Variants in GALNT13 observed in about 807,000 individuals in gnomAD.
GALNT13 encodes the protein polypeptide N-acetylgalactosaminyltransferase 13, also known as UDP-GalNAc:polypeptide N-acetylgalactosaminyltransferase 13.
GALNT13 carries 28 observed loss-of-function variants against 64.2 expected under a neutral mutation model. The observed-to-expected ratio is 0.44, with a 90% confidence interval of 0.32 to 0.60. The LOEUF (loss-of-function observed/expected upper bound fraction) is 0.60, where lower values mean the gene tolerates loss of function less well. GALNT13 is among the 20% of genes least tolerant of loss of function. The pLI is 0.05. For missense variants in GALNT13, 577 were observed against 669.8 expected (o/e 0.86, Z 1.53); for synonymous variants, 214 against 224.6 (o/e 0.95, Z 0.42).
At chr2:154,061,040 C>CT (rs138909247) in intron 3 of GALNT13, among the ~76,000 whole-genome samples, 2 of 151,232 alleles carry the variant, frequency 1.3e-5, no homozygotes, top group Admixed American at 1.3e-4. Context: ...GTCTTCTTAG[C>CT]TTATATATAT....
At chr2:153,670,467 G>T in the GALNT13 span, among the ~76,000 whole-genome samples, 101,052 of 152,038 alleles carry the variant, frequency 0.66, 34,747 homozygotes, top group Non-Finnish European at 0.75. Flanking sequence ...GCCTGTCTGT[G>T]AGAAGGAAAA....
At chr2:154,456,148 GTTT>G (rs5835521), downstream of GALNT13, among the ~76,000 whole-genome samples, 95 of 145,184 alleles carry the variant, frequency 6.5e-4, no homozygotes, top group African/African-American at 1.2e-3. Flanking sequence ...GTCTTTTTTT[GTTT>G]TTTTTTTTTT....
chr2:153,742,595 C>A, the GALNT13 span, among the ~76,000 whole-genome samples: 1 of 152,128 alleles, frequency 6.6e-6, no homozygotes, highest in East Asian at 1.9e-4. Flanking sequence ...TCCCCTTTTT[C>A]AGTTCCCCAG....
the GALNT13 span, among the ~76,000 whole-genome samples, chr2:153,863,123 T>C: frequency 2.0e-5 from 3 of 152,168 alleles, no homozygotes; most frequent in South Asian, 6.2e-4. Flanking sequence ...CTGTTAAAAT[T>C]GAATAATGTA....
the GALNT13 span, among the ~76,000 whole-genome samples, chr2:153,346,031 G>T: frequency 2.8e-3 from 429 of 152,140 alleles, 1 homozygote; most frequent in Non-Finnish European, 4.4e-3. Context: ...CTGGAGTGCA[G>T]TGGCGCGATC....
At chr2:153,780,359 A>C in the GALNT13 span, among the ~76,000 whole-genome samples, 635 of 151,772 alleles carry the variant, frequency 4.2e-3, 10 homozygotes, top group African/African-American at 0.015. Flanking sequence ...AAGTCCTTTA[A>C]ACTAGCAAAG....
chr2:154,083,618 G>A (rs1701389129), intron 3 of GALNT13, among the ~76,000 whole-genome samples: 1 of 151,796 alleles, frequency 6.6e-6, no homozygotes, highest in African/African-American at 2.4e-5. Flanking sequence ...TCCTTGAAGA[G>A]GTCCTTCACA....
chr2:153,178,732 CTTTTTT>C, the GALNT13 span, among the ~76,000 whole-genome samples: 4 of 98,414 alleles, frequency 4.1e-5, no homozygotes, highest in Non-Finnish European at 7.9e-5. Flanking sequence ...TTCTCTTCTT[CTTTTTT>C]TTTTTTTTTT....
In GALNT13 at chr2:154,162,688, T is replaced by C. The variant is rs544762472; in HGVS notation, c.311+22183T>C. Among the ~76,000 whole-genome samples the C allele has an allele frequency of 6.6e-5, 10 of 152,318 alleles. No homozygotes were observed. The East Asian group carries it at 1.9e-3, about 29-fold the overall frequency. On this transcript the variant is annotated intron_variant, in intron 4 of 12. Coordinates refer to ENST00000392825, the MANE Select transcript of GALNT13 (RefSeq NM_052917.4). The stretch of plus-strand genomic sequence containing the variant: ...AACAGTGTTAGATAAAGAGACAGAG[T>C]TAAATACTGTAAGATTTTTATTCTC...
At chr2:153,293,372 G>T in the GALNT13 span, among the ~76,000 whole-genome samples, 2 of 152,086 alleles carry the variant, frequency 1.3e-5, no homozygotes, top group Admixed American at 6.6e-5. Flanking sequence ...AATCAGAGAA[G>T]ATATGAAGAT....
At chr2:153,210,494 A>T in the GALNT13 span, among the ~76,000 whole-genome samples, 84 of 152,302 alleles carry the variant, frequency 5.5e-4, no homozygotes, top group African/African-American at 2.0e-3. Context: ...TATTCTTAGG[A>T]TAAACACTAG....
At chr2:154,310,033 C>A (rs998090159) in intron 9 of GALNT13, among the ~76,000 whole-genome samples, 7 of 152,128 alleles carry the variant, frequency 4.6e-5, no homozygotes. Flanking sequence ...TTAACATGCT[C>A]CCTTTTACCT....
chr2:153,939,723 T>A (rs1337258787), intron 2 of GALNT13, among the ~76,000 whole-genome samples: 1 of 152,198 alleles, frequency 6.6e-6, no homozygotes, highest in African/African-American at 2.4e-5. Context: ...ATGTTTCTGA[T>A]GATAACAATA....
chr2:153,072,912 T>C, the GALNT13 span, among the ~76,000 whole-genome samples: 11 of 152,228 alleles, frequency 7.2e-5, no homozygotes, highest in South Asian at 2.1e-4. Flanking sequence ...CTATCTTCTA[T>C]TGAGCATCGT....
chr2:153,215,417 C>T, the GALNT13 span, among the ~76,000 whole-genome samples: 1 of 152,074 alleles, frequency 6.6e-6, no homozygotes, highest in Non-Finnish European at 1.5e-5. Context: ...AACTGGGGTA[C>T]TGTGAAGTTT....
chr2:153,369,429 T>A, the GALNT13 span, among the ~76,000 whole-genome samples: 2 of 109,238 alleles, frequency 1.8e-5, no homozygotes, highest in African/African-American at 3.9e-5. Context: ...TCTAAAAAAA[T>A]AAGAGAGAAC....
At chr2:154,070,784 G>T (rs1014841244) in intron 3 of GALNT13, among the ~76,000 whole-genome samples, 5 of 151,970 alleles carry the variant, frequency 3.3e-5, no homozygotes, top group African/African-American at 1.2e-4. Context: ...GGGTGTGGTG[G>T]TAGGGGCCTA....
chr2:154,140,516 A>G lies in GALNT13; in HGVS notation c.311+11A>G, dbSNP rs1273205685. On this transcript the variant is annotated intron_variant, in intron 4 of 12. Coordinates refer to ENST00000392825, the MANE Select transcript of GALNT13 (RefSeq NM_052917.4). ...TGTAAGATTAGAAGGGTAAGTTTGC[A>G]TTTGTTATATAATCTTTTATATTCA... 1.3e-6 allele frequency: 2 copies of G among 1,572,502 alleles called. No individual in the cohort carries two copies. Among genetic ancestry groups the G allele is most frequent in the Middle Eastern group, 1.7e-4 (1 of 5,934 alleles).
At chr2:153,233,842 T>C in the GALNT13 span, among the ~76,000 whole-genome samples, 2 of 152,286 alleles carry the variant, frequency 1.3e-5, no homozygotes, top group East Asian at 1.9e-4. Context: ...CCGTGTTTCC[T>C]TGGAGGGCAG....
Sources: allele counts gnomAD v4.1 joint callset (sites outside exome capture counted in the v4.1 genomes callset), GRCh38; gene constraint gnomAD v4.1.1; transcripts MANE v1.5; gene names NCBI Gene and HGNC (gene_info 2026-07-23, HGNC 2026-07-21).